Variants in ACTR10 observed in about 807,000 individuals in gnomAD.
ACTR10 encodes actin-related protein 10.
ACTR10 carries 43 observed loss-of-function variants against 56.2 expected under a neutral mutation model. The ratio of observed to expected loss-of-function variants is 0.77; its 90% CI spans 0.60 to 0.99. ACTR10 has a LOEUF of 0.99. ACTR10 is among the 50% of genes least tolerant of loss of function. The pLI is 0.00. For synonymous variants in ACTR10, 170 were observed against 176.3 expected (o/e 0.96, Z 0.28); for missense variants, 466 against 507.8 (o/e 0.92, Z 0.79).
At chr14:58,200,408 T>C in intron 1 of ACTR10, 114 bp downstream of exon 1, 2 of 776,726 alleles carry the variant, frequency 2.6e-6, no homozygotes, top group Non-Finnish European at 3.6e-6. Context: ...GGCCTCCCCT[T>C]TTCTTCAACC....
At chr14:58,205,254 T>C (rs1263446010) in intron 2 of ACTR10, among the ~76,000 whole-genome samples, 1 of 150,858 alleles carries the variant, frequency 6.6e-6, no homozygotes, top group Admixed American at 6.6e-5. Flanking sequence ...AAAAAAAACA[T>C]GTTATAGCAG....
intron 5 of ACTR10, chr14:58,212,884 G>A (rs965358680): frequency 6.6e-6 from 1 of 152,316 alleles, no homozygotes; most frequent in Non-Finnish European, 1.5e-5. Flanking sequence ...TTGGGAGGCT[G>A]AGGTGGGCAG....
chr14:58,211,022 A>C, intron 4 of ACTR10: 1 of 297,224 alleles, frequency 3.4e-6, no homozygotes, highest in Non-Finnish European at 6.4e-6. Flanking sequence ...CCAAAAGAGA[A>C]CAAGAATAAA....
intron 2 of ACTR10, among the ~76,000 whole-genome samples, chr14:58,205,303 A>G (rs1888829554): frequency 6.6e-6 from 1 of 151,278 alleles, no homozygotes. Context: ...GCATTTACAT[A>G]CATCAGAAAT....
intron 10 of ACTR10, among the ~76,000 whole-genome samples, chr14:58,226,584 T>G (rs2140060977): frequency 6.6e-6 from 1 of 152,176 alleles, no homozygotes; most frequent in South Asian, 2.1e-4. Flanking sequence ...TTTGTTTTTT[T>G]GTGTGTTTTT....
intron 5 of ACTR10, 48 bp downstream of exon 5, chr14:58,211,447 A>T (rs201117768): frequency 7.6e-7 from 1 of 1,308,264 alleles, no homozygotes; most frequent in Non-Finnish European, 1.1e-6. Context: ...ACTCTACTTT[A>T]ACTAAAATAA....
intron 10 of ACTR10, among the ~76,000 whole-genome samples, chr14:58,224,776 G>C (rs1594812759): frequency 1.3e-5 from 2 of 152,052 alleles, no homozygotes; most frequent in Non-Finnish European, 2.9e-5. Flanking sequence ...GATCACCTGA[G>C]GTTGGAAGTT....
At chr14:58,218,770 A>T (rs1889195468) in intron 7 of ACTR10, among the ~76,000 whole-genome samples, 1 of 152,168 alleles carries the variant, frequency 6.6e-6, no homozygotes, top group Non-Finnish European at 1.5e-5. Context: ...TCAATAATTT[A>T]TTCTTATAAA....
chr14:58,225,617 T>C (rs1889378149), intron 10 of ACTR10, among the ~76,000 whole-genome samples: 1 of 152,188 alleles, frequency 6.6e-6, no homozygotes. Flanking sequence ...AATTACTTTT[T>C]AAAATTTTCT....
At position 58,202,770 on chromosome 14, in the gene ACTR10, T is replaced by C. The variant is rs376040304; in HGVS notation, c.78-85T>C. 16 of 979,982 alleles carry C rather than the reference T, an allele frequency of 1.6e-5. No individual in the cohort carries two copies. In the East Asian group the frequency reaches 3.9e-4, roughly 24 times the overall value. The allele number at this position is 979,982 out of a possible 1,614,324, so 60.7% of individuals were successfully genotyped here. On this transcript the variant is annotated intron_variant, in intron 1 of 12. Coordinates refer to ENST00000254286, the MANE Select transcript of ACTR10 (RefSeq NM_018477.3). ...TCAAATGTTATTGTGGCCATTGTTT[T>C]GAAACAAATACAGAGAAAATTAGTT...
At chr14:58,212,059 C>T (rs1283074497) in intron 5 of ACTR10, among the ~76,000 whole-genome samples, 1 of 151,508 alleles carries the variant, frequency 6.6e-6, no homozygotes, top group African/African-American at 2.4e-5. Flanking sequence ...ATCAAATACA[C>T]AATAAGTGCA....
intron 7 of ACTR10, among the ~76,000 whole-genome samples, chr14:58,216,506 A>C (rs1198381291): frequency 2.0e-5 from 3 of 152,150 alleles, no homozygotes; most frequent in Non-Finnish European, 4.4e-5. Flanking sequence ...TTAAAATCCA[A>C]ATTATCTGTT....
Position 58,216,642 on chromosome 14 carries a change from CT to C in ACTR10, c.598+1359del, listed in dbSNP as rs369208210. ...TACAGTTGTCGAGGCACCGTGAGTC[CT>C]AGCACAGCCCTGTGCCTTCATTTAT... On this transcript the variant is annotated intron_variant, in intron 7 of 12. Transcript: ENST00000254286. Among the ~76,000 whole-genome samples the C allele has an allele frequency of 1.2e-4, 19 of 152,292 alleles. No homozygotes were observed. In the East Asian group the frequency reaches 3.1e-3, roughly 25 times the overall value.
chr14:58,201,934 C>T (rs373588284), intron 1 of ACTR10, among the ~76,000 whole-genome samples: 3 of 143,900 alleles, frequency 2.1e-5, no homozygotes, highest in African/African-American at 5.2e-5. Context: ...GCCTGGGAAG[C>T]GGAGGCTGCA....
At chr14:58,206,612 T>C (rs1245745738) in intron 2 of ACTR10, among the ~76,000 whole-genome samples, 4 of 152,072 alleles carry the variant, frequency 2.6e-5, no homozygotes, top group African/African-American at 9.7e-5. Flanking sequence ...TTTGAAAGAG[T>C]AAATGAAGAG....
At chr14:58,227,309 T>A (rs1366367467) in intron 10 of ACTR10, among the ~76,000 whole-genome samples, 1 of 152,106 alleles carries the variant, frequency 6.6e-6, no homozygotes, top group Non-Finnish European at 1.5e-5. Flanking sequence ...GGCGGGCGGA[T>A]CACTTGAGGT....
intron 10 of ACTR10, among the ~76,000 whole-genome samples, chr14:58,224,942 T>C (rs1228510333): frequency 1.3e-5 from 2 of 150,340 alleles, no homozygotes; most frequent in African/African-American, 4.9e-5. Flanking sequence ...TGAGCCGACA[T>C]CGCACCATTG....
intron 2 of ACTR10, among the ~76,000 whole-genome samples, chr14:58,204,679 A>G (rs1273630422): frequency 6.6e-6 from 1 of 152,190 alleles, no homozygotes; most frequent in Non-Finnish European, 1.5e-5. Flanking sequence ...AGGAAATGCA[A>G]CCCAACAGAG....
intron 4 of ACTR10, among the ~76,000 whole-genome samples, chr14:58,210,123 A>ATATCTT (rs200209364): frequency 0.013 from 2,046 of 152,276 alleles, 48 homozygotes; most frequent in African/African-American, 0.046. Flanking sequence ...GTTTGTGTTA[A>ATATCTT]TATCTTCTAT....
Sources: allele counts gnomAD v4.1 joint callset (sites outside exome capture counted in the v4.1 genomes callset), GRCh38; gene constraint gnomAD v4.1.1; transcripts MANE v1.5; gene names NCBI Gene and HGNC (gene_info 2026-07-23, HGNC 2026-07-21).